The following WDR36 variants were observed in gnomAD, a reference collection of about 807,000 sequenced individuals.
WDR36 encodes WD repeat domain 36.
In WDR36, 63 loss-of-function variants were observed where a neutral mutation model predicts 112.7. That is an observed-to-expected ratio of 0.56 (90% confidence interval 0.46 to 0.69). The LOEUF (loss-of-function observed/expected upper bound fraction) is 0.69, where lower values mean the gene tolerates loss of function less well. Ranked by LOEUF, WDR36 falls within the 30% of genes least tolerant of loss-of-function variation. WDR36 has a pLI of 0.00. For synonymous variants in WDR36, 410 were observed against 362.2 expected, an observed-to-expected ratio of 1.13 and a Z score of -1.50; for missense variants, 1,226 against 1,070.3, an observed-to-expected ratio of 1.15 and a Z score of -2.03.
At chr5:111,095,521 T>C (rs1333771448) in intron 2 of WDR36, among the ~76,000 whole-genome samples, 2 of 152,246 alleles carry the variant, frequency 1.3e-5, no homozygotes, top group African/African-American at 4.8e-5. Context: ...ATTAGTATGA[T>C]GGTTGCCAAA....
At position 111,125,843 on chromosome 5, in the gene WDR36, C is replaced by A. The variant is rs373320442; in HGVS notation, c.2538+48C>A. The A allele has an allele frequency of 8.1e-6, 13 of 1,602,814 alleles. No homozygotes were observed. The African/African-American group carries it at 1.2e-4, about 15-fold the overall frequency. ...CTGCCCAGCTTGTCTTCTTCTGGGG[C>A]AGTGCTATCTAACAGAACTTTCTGC... On this transcript the variant is annotated intron_variant, in intron 22 of 22. Transcript: ENST00000513710.
At chr5:111,097,728 T>C (rs1385739169) in intron 3 of WDR36, among the ~76,000 whole-genome samples, 1 of 152,180 alleles carries the variant, frequency 6.6e-6, no homozygotes, top group African/African-American at 2.4e-5. Context: ...CTGGAACAAC[T>C]AGCTTGAGAA....
chr5:111,119,509 G>A (rs1264654045), intron 17 of WDR36, among the ~76,000 whole-genome samples: 1 of 152,004 alleles, frequency 6.6e-6, no homozygotes, highest in Non-Finnish European at 1.5e-5. Flanking sequence ...ATAAAATAAG[G>A]CACAAGTATA....
chr5:111,100,685 A>G lies in WDR36; in HGVS notation c.506A>G (p.Glu169Gly), dbSNP rs774144070. The stretch of plus-strand genomic sequence containing the variant: ...TTGAATAAAATACTTCTGGGCAGTG[A>G]ACAAGGAAGCCTGCAGTTGTGGAAT... ...TYLNKILLGS[E>G]QGSLQLWNVK... is the part of the protein sequence containing the mutation. Residue 169 changes from glutamate to glycine, a missense_variant, in exon 5 of 23, where the codon GAA becomes GGA. By Grantham distance (98) the Glu-to-Gly change is moderately conservative. Coordinates refer to ENST00000513710, the MANE Select transcript of WDR36 (RefSeq NM_139281.3). The G allele has an allele frequency of 6.2e-6, 10 of 1,609,332 alleles. No homozygotes were observed. The East Asian group carries it at 2.2e-4, about 36-fold the overall frequency.
At chr5:111,109,677 G>C (rs1270560163) in intron 12 of WDR36, among the ~76,000 whole-genome samples, 1 of 151,040 alleles carries the variant, frequency 6.6e-6, no homozygotes. Flanking sequence ...TATAGAACCT[G>C]CTTATAAACC....
intron 22 of WDR36, among the ~76,000 whole-genome samples, chr5:111,126,171 T>A (rs1380039649): frequency 6.6e-6 from 1 of 152,210 alleles, no homozygotes; most frequent in East Asian, 1.9e-4. Flanking sequence ...TAACTTTTCT[T>A]TTTTTAGTGG....
chr5:111,115,430 A>G (rs1166757617), intron 16 of WDR36, among the ~76,000 whole-genome samples: 4 of 152,192 alleles, frequency 2.6e-5, no homozygotes, highest in African/African-American at 9.6e-5. Context: ...AGTGGAGGCT[A>G]TTAGAGAAAT....
At chr5:111,101,086 G>C (rs1373260221) in intron 5 of WDR36, among the ~76,000 whole-genome samples, 1 of 151,894 alleles carries the variant, frequency 6.6e-6, no homozygotes, top group East Asian at 1.9e-4. Context: ...TAAGGGACTT[G>C]AGCATCTGTG....
intron 4 of WDR36, 60 bp downstream of exon 4, chr5:111,098,899 A>G: frequency 1.7e-6 from 2 of 1,200,916 alleles, no homozygotes; most frequent in South Asian, 1.2e-5. Context: ...ATTAAAATTT[A>G]AAATCTATGT....
chr5:111,125,531 G>C (rs1053906809), intron 21 of WDR36, 77 bp from the exon 22 acceptor site: 1 of 1,378,730 alleles, frequency 7.3e-7, no homozygotes, highest in Non-Finnish European at 1.0e-6. Context: ...ATCCTATTTG[G>C]GGTATAAAAG....
At chr5:111,096,320 T>G (rs140657218) in intron 2 of WDR36, among the ~76,000 whole-genome samples, 5 of 152,340 alleles carry the variant, frequency 3.3e-5, no homozygotes, top group Admixed American at 1.3e-4. Flanking sequence ...GTAATATTTT[T>G]GGGTTGGTCC....
Position 111,106,131 on chromosome 5 carries a change from A to G in WDR36, c.1168A>G (p.Lys390Glu), listed in dbSNP as rs1463923301. The G allele has an allele frequency of 1.2e-6, 2 of 1,609,828 alleles. No individual in the cohort carries two copies. Among genetic ancestry groups the G allele is most frequent in the Non-Finnish European group, 1.7e-6 (2 of 1,176,958 alleles). Residue 390 changes from lysine to glutamate, a missense_variant, in exon 11 of 23, where the codon AAG (lysine) becomes GAG (glutamate). Transcript: ENST00000513710. Reference sequence around the variant, plus strand: ...GTCAGTGAGACTTCCACCCATCACAAAGTTTGCAGCAGGTAAGTAACTTCA... The same window carrying G: ...GTCAGTGAGACTTCCACCCATCACAGAGTTTGCAGCAGGTAAGTAACTTCA... The part of the protein sequence containing the change: ...TMSVRLPPIT[K>E]FAAEEARESD...
chr5:111,099,069 A>C (rs913103823), intron 4 of WDR36, among the ~76,000 whole-genome samples: 1 of 152,136 alleles, frequency 6.6e-6, no homozygotes, highest in African/African-American at 2.4e-5. Context: ...CAACTAATGT[A>C]TTTTCCATTG....
chr5:111,125,334 G>C (rs1753656027), intron 21 of WDR36, among the ~76,000 whole-genome samples: 1 of 152,124 alleles, frequency 6.6e-6, no homozygotes. Context: ...CGTGCCTGTT[G>C]CAAGGCATTA....
At chr5:111,116,880 A>G (rs190296443) in intron 16 of WDR36, among the ~76,000 whole-genome samples, 8 of 152,228 alleles carry the variant, frequency 5.3e-5, no homozygotes, top group African/African-American at 1.7e-4. Flanking sequence ...TTTAACAGAT[A>G]GTACCTAAAC....
chr5:111,120,357 T>C (rs1753540443), intron 17 of WDR36, 139 bp from the exon 18 acceptor site: 2 of 696,976 alleles, frequency 2.9e-6, no homozygotes, highest in African/African-American at 3.6e-5. Context: ...AGTCAAGGCG[T>C]TTTTAAATTG....
In WDR36 at chr5:111,103,565, C is replaced by G. The variant is rs10065045; in HGVS notation, c.598-221C>G. Among the ~76,000 whole-genome samples, 5,809 of 151,698 alleles carry G rather than the reference C, an allele frequency of 0.038. 188 individuals carry two copies. Among genetic ancestry groups the G allele is most frequent in the South Asian group, 0.16 (780 of 4,818 alleles). ...GGAATGAGGATGGGATGTTGACTGG[C>G]AGAATTGAAGCTGGGAAGTAATTTG... On this transcript the variant is annotated intron_variant, in intron 6 of 22. Coordinates refer to ENST00000513710, the MANE Select transcript of WDR36 (RefSeq NM_139281.3).
chr5:111,120,292 A>G (rs1462702044), intron 17 of WDR36, among the ~76,000 whole-genome samples: 2 of 152,128 alleles, frequency 1.3e-5, no homozygotes, highest in Non-Finnish European at 2.9e-5. Flanking sequence ...CTACATCAGG[A>G]AAGAGACTCA....
intron 5 of WDR36, among the ~76,000 whole-genome samples, chr5:111,101,890 G>T (rs937938842): frequency 6.6e-6 from 1 of 151,656 alleles, no homozygotes; most frequent in Non-Finnish European, 1.5e-5. Flanking sequence ...ACCTCTGTTT[G>T]CTCCATGGAT....
Sources: allele counts gnomAD v4.1 joint callset (sites outside exome capture counted in the v4.1 genomes callset), GRCh38; gene constraint gnomAD v4.1.1; transcripts MANE v1.5; gene names NCBI Gene and HGNC (gene_info 2026-07-23, HGNC 2026-07-21).